The following SHROOM4 variants were observed in gnomAD, a reference collection of about 807,000 sequenced individuals.
The protein encoded by SHROOM4 is shroom family member 4.
In SHROOM4, 17 loss-of-function variants were observed where a neutral mutation model predicts 80.3. The observed-to-expected ratio is 0.21, with a 90% CI of 0.14 to 0.32. The LOEUF is 0.32. Among genes scored for constraint, SHROOM4 ranks in the 10% least tolerant of loss-of-function variants. SHROOM4 has a pLI of 1.00. For missense variants in SHROOM4, 993 were observed against 1,140.3 expected (o/e 0.87, Z 1.86); for synonymous variants, 400 against 437.5 (o/e 0.91, Z 1.07).
chrX:50,578,361 C>T, the SHROOM4 span, among the ~76,000 whole-genome samples: 1 of 112,456 alleles, frequency 8.9e-6, no homozygotes, highest in Non-Finnish European at 1.9e-5. Context: ...GGCTAGAGTA[C>T]AGTGGCGTGA....
intron 5 of SHROOM4, among the ~76,000 whole-genome samples, chrX:50,624,149 G>A (rs1034416126): frequency 8.9e-6 from 1 of 111,741 alleles, no homozygotes; most frequent in Admixed American, 9.5e-5. Context: ...ACAGGTACTT[G>A]CATTTAAATT....
intron 2 of SHROOM4, among the ~76,000 whole-genome samples, chrX:50,667,933 A>G (rs1227859911): frequency 9.0e-6 from 1 of 111,590 alleles, no homozygotes; most frequent in Non-Finnish European, 1.9e-5. Context: ...GTAGACACCA[A>G]GACATAAAAC....
At chrX:50,618,378 TCC>T in intron 5 of SHROOM4, among the ~76,000 whole-genome samples, 1 of 53,430 alleles carries the variant, frequency 1.9e-5, no homozygotes, top group African/African-American at 8.2e-5. Flanking sequence ...CTTCCTTCCT[TCC>T]TTCCTTCCTT....
chrX:50,739,117 T>G (rs1368298490), intron 1 of SHROOM4, among the ~76,000 whole-genome samples: 2 of 111,605 alleles, frequency 1.8e-5, no homozygotes, highest in African/African-American at 3.3e-5. Flanking sequence ...CTGGGAAAAC[T>G]GGCTAGCCAT....
At chrX:50,654,452 T>C (rs1291423943) in intron 2 of SHROOM4, among the ~76,000 whole-genome samples, 1 of 111,907 alleles carries the variant, frequency 8.9e-6, no homozygotes. Flanking sequence ...ATTTATAATA[T>C]ACAATATATT....
chrX:50,697,645 T>C lies in SHROOM4; in HGVS notation c.118-1708A>G, dbSNP rs782030043. Among the ~76,000 whole-genome samples, 3 of 112,206 alleles carry C rather than the reference T, an allele frequency of 2.7e-5. No homozygotes were observed. In the East Asian group the frequency reaches 8.4e-4, roughly 31 times the overall value. On this transcript the variant is annotated intron_variant, in intron 1 of 8. Coordinates refer to ENST00000376020, the MANE Select transcript of SHROOM4 (RefSeq NM_020717.5). ...TTAGCCAAGTGACATTGAATATATA[T>C]GCCTTTGTTCCGGTACCCGGGCCAC...
chrX:50,757,017 T>G (rs1368432532), intron 1 of SHROOM4, among the ~76,000 whole-genome samples: 4 of 111,713 alleles, frequency 3.6e-5, no homozygotes, highest in African/African-American at 6.5e-5. Flanking sequence ...CTTATCATGT[T>G]TTTATGACTT....
chrX:50,741,206 C>A (rs938580878), intron 1 of SHROOM4, among the ~76,000 whole-genome samples: 7 of 110,630 alleles, frequency 6.3e-5, no homozygotes, highest in Non-Finnish European at 1.3e-4. Flanking sequence ...ATAATACCGG[C>A]TCTCACTTAT....
intron 1 of SHROOM4, among the ~76,000 whole-genome samples, chrX:50,784,200 T>C (rs1935690014): frequency 8.9e-6 from 1 of 112,435 alleles, no homozygotes; most frequent in African/African-American, 3.2e-5. Flanking sequence ...AGTGGTGTGA[T>C]TCTAGCTCAC....
chrX:50,580,964 A>T, the SHROOM4 span, among the ~76,000 whole-genome samples: 2 of 112,207 alleles, frequency 1.8e-5, no homozygotes, highest in African/African-American at 6.5e-5. Context: ...TAATGATGCT[A>T]AAGTCTCCTG....
At chrX:50,609,259 C>A (rs1296771391) in intron 5 of SHROOM4, among the ~76,000 whole-genome samples, 2 of 104,646 alleles carry the variant, frequency 1.9e-5, no homozygotes, top group Non-Finnish European at 3.8e-5. Context: ...AAGACCTTGT[C>A]TCAAAAAAAA....
chrX:50,582,070 A>T (rs782598325), downstream of SHROOM4, among the ~76,000 whole-genome samples: 2 of 112,178 alleles, frequency 1.8e-5, no homozygotes, highest in East Asian at 5.6e-4. Context: ...AAACAATAGA[A>T]TATGGCAAAG....
chrX:50,716,793 C>G (rs1933965803), intron 1 of SHROOM4, among the ~76,000 whole-genome samples: 1 of 112,227 alleles, frequency 8.9e-6, no homozygotes, highest in Non-Finnish European at 1.9e-5. Context: ...CCCAGACTTA[C>G]TTGTTAGGTT....
At chrX:50,616,683 C>T (rs1425390027) in intron 5 of SHROOM4, among the ~76,000 whole-genome samples, 1 of 111,423 alleles carries the variant, frequency 9.0e-6, no homozygotes, top group Non-Finnish European at 1.9e-5. Context: ...GGTTTCATAC[C>T]TCTGTGGTGG....
chrX:50,748,269 G>T (rs1389873618), intron 1 of SHROOM4, among the ~76,000 whole-genome samples: 2 of 111,817 alleles, frequency 1.8e-5, no homozygotes, highest in Non-Finnish European at 3.8e-5. Flanking sequence ...GGGAACAGTT[G>T]AGAGACTTGG....
intron 2 of SHROOM4, among the ~76,000 whole-genome samples, chrX:50,689,539 C>A (rs1933168960): frequency 8.9e-6 from 1 of 112,024 alleles, no homozygotes; most frequent in Non-Finnish European, 1.9e-5. Flanking sequence ...TACACAACCT[C>A]TTTCTTTCAT....
At chrX:50,581,042 A>G in the SHROOM4 span, among the ~76,000 whole-genome samples, 1 of 111,784 alleles carries the variant, frequency 8.9e-6, no homozygotes, top group Admixed American at 9.5e-5. Flanking sequence ...AAGTACTACT[A>G]TAAGCAAAAC....
At chrX:50,578,090 T>TAC in the SHROOM4 span, among the ~76,000 whole-genome samples, 1 of 111,621 alleles carries the variant, frequency 9.0e-6, no homozygotes, top group African/African-American at 3.3e-5. Flanking sequence ...CATGCACACA[T>TAC]ACACGCACAC....
chrX:50,678,489 C>A (rs1399668325), intron 2 of SHROOM4, among the ~76,000 whole-genome samples: 2 of 111,421 alleles, frequency 1.8e-5, no homozygotes, highest in African/African-American at 3.3e-5. Flanking sequence ...CAACTAATTT[C>A]TTGCAGTTCT....
Sources: allele counts gnomAD v4.1 joint callset (sites outside exome capture counted in the v4.1 genomes callset), GRCh38; gene constraint gnomAD v4.1.1; transcripts MANE v1.5; gene names NCBI Gene and HGNC (gene_info 2026-07-23, HGNC 2026-07-21).